AEBP1: variants seen among roughly 807,000 people sequenced by gnomAD.
AEBP1 encodes the protein AE binding protein 1, also known as adipocyte enhancer-binding protein 1.
In AEBP1, 69 loss-of-function variants were observed where a neutral mutation model predicts 116.5. That is an observed-to-expected ratio of 0.59 (90% CI 0.49 to 0.72). The LOEUF is 0.72. Ranked by LOEUF, AEBP1 falls within the 30% of genes least tolerant of loss-of-function variation. AEBP1 has a pLI of 0.00. For missense variants in AEBP1, 1,444 were observed against 1,557.5 expected (o/e 0.93, Z 1.23); for synonymous variants, 627 against 627.3 (o/e 1.00, Z 0.01).
At chr7:44,105,108 C>T (rs888645037) in intron 1 of AEBP1, among the ~76,000 whole-genome samples, 190 bp downstream of exon 1, 1 of 152,250 alleles carries the variant, frequency 6.6e-6, no homozygotes, top group African/African-American at 2.4e-5. Flanking sequence ...GGAGGCACAT[C>T]CAGCACCCGG....
Position 44,107,994 on chromosome 7 carries a change from C to A in AEBP1, c.863-13C>A. On this transcript the variant is annotated splice_polypyrimidine_tract_variant and intron_variant, in intron 5 of 20. Coordinates refer to ENST00000223357, the MANE Select transcript of AEBP1 (RefSeq NM_001129.5). This position sits in a 1 kb window ranked among gnomAD's most constrained non-coding sequence, Gnocchi z 4.3. ...GGCGCTCTGGCCCCCTCCTAACCTC[C>A]CCGCCTCCCCAGAGCCTCCTGTGAA... is the stretch of plus-strand genomic sequence containing the variant. 1.9e-6 allele frequency: 3 copies of A among 1,576,152 alleles called. No individual in the cohort carries two copies. Among genetic ancestry groups the A allele is most frequent in the Non-Finnish European group, 8.6e-7 (1 of 1,162,412 alleles).
In AEBP1 at chr7:44,110,407, T is replaced by C. The variant is rs2096227985; in HGVS notation, c.1400+61T>C. ...GAGTGGCTACATAGGCATGGCTCTG[T>C]GTCCCATTAAGGAGATTCCAGTGGG... On this transcript the variant is annotated intron_variant, in intron 11 of 20. Coordinates refer to ENST00000223357, the MANE Select transcript of AEBP1 (RefSeq NM_001129.5). The C allele has an allele frequency of 2.5e-6, 4 of 1,610,102 alleles. No individual in the cohort carries two copies. In the East Asian group the frequency reaches 8.9e-5, roughly 36 times the overall value.
Position 44,107,820 on chromosome 7 carries a change from C to T in AEBP1, c.751C>T (p.Arg251Trp), listed in dbSNP as rs779044302. 18 of 1,611,552 alleles carry T rather than the reference C, an allele frequency of 1.1e-5. No individual in the cohort carries two copies. The highest frequency in any genetic ancestry group is 1.3e-5 in the African/African-American group (1 of 74,756). ...REDYEDFEYI[R>W]RQKQPRPPPS... Reference sequence around the variant, plus strand: ...AGCCTCCCCCTCAGTTGAGTACATTCGGCGCCAGAAGCAACCCAGGCCACC... The same window carrying T: ...AGCCTCCCCCTCAGTTGAGTACATTTGGCGCCAGAAGCAACCCAGGCCACC... The change falls in exon 5 of 21, where the codon CGG becomes TGG. Residue 251 changes from arginine (R) to tryptophan (W), a missense_variant. Physicochemically the swap from Arg to Trp is moderately radical, Grantham distance 101. Transcript: ENST00000223357. This position sits in a 1 kb window ranked among gnomAD's most constrained non-coding sequence, Gnocchi z 4.3.
At position 44,106,384 on chromosome 7, in the gene AEBP1, C is replaced by T. The variant is rs1272099693; in HGVS notation, c.254-162C>T. ...GCAGACAGAAAATCTGGGTCCGGAT[C>T]CCAGTTTGCCACTTGGGCAAATGAC... On this transcript the variant is annotated intron_variant, in intron 1 of 20. Coordinates refer to ENST00000223357, the MANE Select transcript of AEBP1 (RefSeq NM_001129.5). 3 of 829,620 alleles carry T rather than the reference C, an allele frequency of 3.6e-6. No homozygotes were observed. The African/African-American group carries it at 5.1e-5, about 14-fold the overall frequency. The allele number at this position is 829,620 out of a possible 1,614,324, so 51.4% of individuals were successfully genotyped here. A position where few individuals can be genotyped will look rare whatever the true frequency, so the allele number is the denominator to read the frequency against.
chr7:44,114,396 C>T lies in AEBP1; in HGVS notation c.*135C>T, dbSNP rs1249541882. The T allele has an allele frequency of 2.3e-5, 24 of 1,038,444 alleles. No individual in the cohort carries two copies. Among genetic ancestry groups the T allele is most frequent in the Non-Finnish European group, 2.9e-5 (21 of 715,284 alleles). 64.3% of individuals were successfully genotyped at this position (1,038,444 alleles called of 1,614,324 possible). ...TGGACACTGAAAGGAAGGGCTGGTC[C>T]TGCCCCTTTGAGGGGGTGCAAACAT... On this transcript the variant is annotated 3_prime_UTR_variant, in exon 21 of 21. Transcript: ENST00000223357.
Position 44,110,005 on chromosome 7 carries a change from G to A in AEBP1, c.1151-10G>A, listed in dbSNP as rs192857015. 6.9e-4 allele frequency: 1,114 copies of A among 1,607,786 alleles called. 5 individuals carry two copies. The African/African-American group carries it at 0.012, about 18-fold the overall frequency. On this transcript the variant is annotated splice_polypyrimidine_tract_variant and intron_variant, in intron 9 of 20. Transcript: ENST00000223357. ...CTAGTGAGCCACCATTCTGGGGTAC[G>A]CGTCCTCAGAGTGTCCCCCCATTGG...
rs767122290 is a variant in AEBP1, at chr7:44,112,924, G to A, written c.2569+15G>A. Reference sequence around the variant, plus strand: ...CCGGACCGGGAGTGAGTCAGCCTGGGAGGGGCTGTGGGCGGGGCCTGGTCC... The same window carrying A: ...CCGGACCGGGAGTGAGTCAGCCTGGAAGGGGCTGTGGGCGGGGCCTGGTCC... On this transcript the variant is annotated intron_variant, in intron 18 of 20. Transcript: ENST00000223357. This position sits in a 1 kb window ranked among gnomAD's most constrained non-coding sequence, Gnocchi z 6.6. 3.7e-6 allele frequency: 6 copies of A among 1,601,730 alleles called. No individual in the cohort carries two copies. The highest frequency in any genetic ancestry group is 5.1e-6 in the Non-Finnish European group (6 of 1,172,148).
At chr7:44,106,982 A>T in intron 2 of AEBP1, 95 bp downstream of exon 2, 1 of 938,040 alleles carries the variant, frequency 1.1e-6, no homozygotes, top group Non-Finnish European at 1.6e-6. Context: ...CCTGCTTCCT[A>T]TAGACCTTCA....
chr7:44,111,377 C>G lies in AEBP1; in HGVS notation c.1717-130C>G. 1 of 1,420,534 alleles carries G rather than the reference C, an allele frequency of 7.0e-7. No individual in the cohort carries two copies. Among genetic ancestry groups the G allele is most frequent in the Non-Finnish European group, 9.3e-7 (1 of 1,072,664 alleles). 88.0% of individuals were successfully genotyped at this position (1,420,534 alleles called of 1,614,324 possible). The stretch of plus-strand genomic sequence containing the variant: ...CTGTCCCTCACCTTAGGAAGGAGGC[C>G]AGTACCTGGGGGCTGCGTGAAGGGG... On this transcript the variant is annotated intron_variant, in intron 14 of 20. Transcript: ENST00000223357. This position sits in a 1 kb window ranked among gnomAD's most constrained non-coding sequence, Gnocchi z 4.7.
rs2096232783 is a variant in AEBP1, at chr7:44,113,687, A to G, written c.2903A>G (p.Asn968Ser). 2 of 1,614,030 alleles carry G rather than the reference A, an allele frequency of 1.2e-6. No individual in the cohort carries two copies. Among genetic ancestry groups the G allele is most frequent in the Non-Finnish European group, 1.7e-6 (2 of 1,179,988 alleles). Reference protein sequence around the residue: ...EGYTPSAKTCNVDYDIGATQC... With the variant: ...EGYTPSAKTCSVDYDIGATQC... Reference sequence around the variant, plus strand: ...TACACCCCGAGCGCCAAGACCTGCAATGTTGACTATGACATCGGGGCCACT... The same window carrying G: ...TACACCCCGAGCGCCAAGACCTGCAGTGTTGACTATGACATCGGGGCCACT... The change falls in exon 21 of 21, where the codon AAT becomes AGT. Residue 968 changes from asparagine to serine, a missense_variant. Transcript: ENST00000223357. The surrounding 1 kb of genome is among the most constrained non-coding windows in gnomAD (Gnocchi z 5.3).
rs754648305 is a variant in AEBP1, at chr7:44,106,871, G to C, written c.579G>C (p.Glu193Asp). 1.9e-6 allele frequency: 3 copies of C among 1,584,294 alleles called. No individual in the cohort carries two copies. Among genetic ancestry groups the C allele is most frequent in the Non-Finnish European group, 2.6e-6 (3 of 1,167,552 alleles). Reference sequence around the variant, plus strand: ...CACCCCCCAGCCCTGGCCCCGAGGAGCTACCCCAGGAGGGAGGTTTGTGCC... The same window carrying C: ...CACCCCCCAGCCCTGGCCCCGAGGACCTACCCCAGGAGGGAGGTTTGTGCC... ...LPPPPSPGPE[E>D]LPQEGGAPLS... is the part of the protein sequence containing the mutation. Residue 193 changes from glutamate (E) to aspartate (D), a missense_variant, in exon 2 of 21, where the codon GAG (glutamate) becomes GAC (aspartate). By Grantham distance (45) the Glu-to-Asp change is conservative. Transcript: ENST00000223357.
At position 44,113,831 on chromosome 7, in the gene AEBP1, G is replaced by A. The variant is rs749528497; in HGVS notation, c.3047G>A (p.Arg1016Gln). ...TCGCGCCCTATGACCCCCCAACAGC[G>A]ACGCCTGCAGCAGCGACGCCTACAA... ...DPSRPMTPQQ[R>Q]RLQQRRLQHR... Residue 1016 changes from arginine to glutamine, a missense_variant, in exon 21 of 21, where the codon CGA (arginine) becomes CAA (glutamine). Arg to Gln is a conservative substitution (Grantham distance 43). Transcript: ENST00000223357. This position sits in a 1 kb window ranked among gnomAD's most constrained non-coding sequence, Gnocchi z 5.3. 9 of 1,613,858 alleles carry A rather than the reference G, an allele frequency of 5.6e-6. No homozygotes were observed. In the South Asian group the frequency reaches 7.7e-5, roughly 14 times the overall value.
In AEBP1 at chr7:44,108,971, A is replaced by C; in HGVS notation, c.1013A>C (p.Glu338Ala). 6.2e-7 allele frequency: 1 copy of C among 1,604,932 alleles called. No individual in the cohort carries two copies. Among genetic ancestry groups the C allele is most frequent in the Non-Finnish European group, 8.5e-7 (1 of 1,176,348 alleles). Reference sequence around the variant, plus strand: ...CGCCAGACAGACGAAGAGAAGGAGGAGCTGAGTGAGTGGGACCAAGGACTT... The same window carrying C: ...CGCCAGACAGACGAAGAGAAGGAGGCGCTGAGTGAGTGGGACCAAGGACTT... ...AERQTDEEKE[E>A]LKKPKKEDSS... The change falls in exon 7 of 21, where the codon GAG becomes GCG. Residue 338 changes from glutamate to alanine, a missense_variant. Physicochemically the swap from Glu to Ala is moderately radical, Grantham distance 107. Transcript: ENST00000223357. The surrounding 1 kb of genome is among the most constrained non-coding windows in gnomAD (Gnocchi z 5.0).
intron 1 of AEBP1, 72 bp from the exon 2 acceptor site, chr7:44,106,474 C>A: frequency 6.9e-7 from 1 of 1,438,962 alleles, no homozygotes; most frequent in South Asian, 1.4e-5. Flanking sequence ...AGGTTCTGGG[C>A]ATCTAGAGAG....
Position 44,104,581 on chromosome 7 carries a change from T to C in AEBP1, c.-85T>C. ...CCCTTCCTGGATTCCCTCACCCGTCTCGATCCCCTCTCCGCCCTTTCCCAG... is the reference window on the plus strand; with the variant it reads ...CCCTTCCTGGATTCCCTCACCCGTCCCGATCCCCTCTCCGCCCTTTCCCAG... On this transcript the variant is annotated 5_prime_UTR_variant, in exon 1 of 21. Coordinates refer to ENST00000223357, the MANE Select transcript of AEBP1 (RefSeq NM_001129.5). 1 of 917,348 alleles carries C rather than the reference T, an allele frequency of 1.1e-6. No individual in the cohort carries two copies. The highest frequency in any genetic ancestry group is 1.5e-6 in the Non-Finnish European group (1 of 659,466). 56.8% of individuals were successfully genotyped at this position (917,348 alleles called of 1,614,324 possible).
In AEBP1 at chr7:44,111,804, G is replaced by T. The variant is rs1421970281; in HGVS notation, c.1841-50G>T. On this transcript the variant is annotated intron_variant, in intron 15 of 20. Coordinates refer to ENST00000223357, the MANE Select transcript of AEBP1 (RefSeq NM_001129.5). This position sits in a 1 kb window ranked among gnomAD's most constrained non-coding sequence, Gnocchi z 4.7. ...GGTGGGTCTGGGTCCTTCCTCAGCTGCCCTGGGCCTCGGGAGACTGAGTGC... is the reference window on the plus strand; with the variant it reads ...GGTGGGTCTGGGTCCTTCCTCAGCTTCCCTGGGCCTCGGGAGACTGAGTGC... 6.3e-7 allele frequency: 1 copy of T among 1,580,156 alleles called. No homozygotes were observed. Among genetic ancestry groups the T allele is most frequent in the Non-Finnish European group, 8.6e-7 (1 of 1,161,788 alleles).
Position 44,111,851 on chromosome 7 carries a change from C to T in AEBP1, c.1841-3C>T, listed in dbSNP as rs374243920. 8.7e-6 allele frequency: 14 copies of T among 1,611,812 alleles called. No individual in the cohort carries two copies. The highest frequency in any genetic ancestry group is 6.7e-5 in the African/African-American group (5 of 75,028). ...GTGCTCACTGAGGCTCCCGCCCTTG[C>T]AGGGGAGCCCGAGTTCCGCTACACT... On this transcript the variant is annotated splice_region_variant and splice_polypyrimidine_tract_variant and intron_variant, in intron 15 of 20. Transcript: ENST00000223357. This position sits in a 1 kb window ranked among gnomAD's most constrained non-coding sequence, Gnocchi z 4.7.
chr7:44,104,733 G>C lies in AEBP1; in HGVS notation c.68G>C (p.Gly23Ala). Reference sequence around the variant, plus strand: ...GCGTTGCTGGCCCTGTGCCCTGGAGGGCGCCCGCAGACGGTGCTGACCGAC... The same window carrying C: ...GCGTTGCTGGCCCTGTGCCCTGGAGCGCGCCCGCAGACGGTGCTGACCGAC... ...LLALLALCPG[G>A]RPQTVLTDDE... The change falls in exon 1 of 21, where the codon GGG becomes GCG. Residue 23 changes from glycine (G) to alanine (A), a missense_variant. Physicochemically the swap from Gly to Ala is moderately conservative, Grantham distance 60. Coordinates refer to ENST00000223357, the MANE Select transcript of AEBP1 (RefSeq NM_001129.5). 1 of 1,611,258 alleles carries C rather than the reference G, an allele frequency of 6.2e-7. No individual in the cohort carries two copies. The highest frequency in any genetic ancestry group is 1.3e-5 in the African/African-American group (1 of 75,028).
chr7:44,112,450 A>T lies in AEBP1; in HGVS notation c.2218-108A>T. ...GCTGAGGCTCTGGGGGTTGGGGGAC[A>T]GGGGATCGTGCGAGTACTGGTGTGA... On this transcript the variant is annotated intron_variant, in intron 17 of 20. Coordinates refer to ENST00000223357, the MANE Select transcript of AEBP1 (RefSeq NM_001129.5). The surrounding 1 kb of genome is among the most constrained non-coding windows in gnomAD (Gnocchi z 6.6). 7.2e-7 allele frequency: 1 copy of T among 1,389,200 alleles called. No individual in the cohort carries two copies. The highest frequency in any genetic ancestry group is 9.7e-7 in the Non-Finnish European group (1 of 1,029,294). 86.1% of individuals were successfully genotyped at this position (1,389,200 alleles called of 1,614,324 possible).
Sources: allele counts gnomAD v4.1 joint callset (sites outside exome capture counted in the v4.1 genomes callset), GRCh38; gene constraint gnomAD v4.1.1; non-coding constraint Gnocchi (gnomAD v3.1); transcripts MANE v1.5; gene names NCBI Gene and HGNC (gene_info 2026-07-23, HGNC 2026-07-21).